Variants in PDGFD observed in about 807,000 individuals in gnomAD.
The protein encoded by PDGFD is platelet derived growth factor D.
A neutral mutation model predicts 44.7 loss-of-function variants in PDGFD; 30 were observed. The observed-to-expected ratio is 0.67, with a 90% confidence interval of 0.50 to 0.91. The LOEUF (loss-of-function observed/expected upper bound fraction) is 0.91. PDGFD is among the 40% of genes least tolerant of loss of function. PDGFD has a pLI of 0.00. For synonymous variants in PDGFD, 173 were observed against 168.4 expected, an observed-to-expected ratio of 1.03 and a Z score of -0.21; for missense variants, 445 against 457.8, an observed-to-expected ratio of 0.97 and a Z score of 0.25.
At chr11:103,939,538 A>G (rs1178086375) in intron 5 of PDGFD, among the ~76,000 whole-genome samples, 1 of 152,008 alleles carries the variant, frequency 6.6e-6, no homozygotes, top group Non-Finnish European at 1.5e-5. Flanking sequence ...CTAATTGAAT[A>G]CCCTTTATTT....
chr11:103,927,679 A>AT (rs1484912042), intron 5 of PDGFD, among the ~76,000 whole-genome samples: 2 of 152,166 alleles, frequency 1.3e-5, no homozygotes, highest in African/African-American at 2.4e-5. Flanking sequence ...AGAGAAAATG[A>AT]TTTTTTTGTG....
chr11:104,127,253 C>T (rs986396794), intron 1 of PDGFD, among the ~76,000 whole-genome samples: 3 of 152,108 alleles, frequency 2.0e-5, no homozygotes, highest in African/African-American at 7.2e-5. Context: ...TTTTGCTGCA[C>T]ATTGGAATTG....
chr11:104,030,348 A>G (rs1024093987), intron 1 of PDGFD, among the ~76,000 whole-genome samples: 2 of 152,340 alleles, frequency 1.3e-5, no homozygotes, highest in Middle Eastern at 3.4e-3. Flanking sequence ...AAATATCTTA[A>G]TAGGCTGGAG....
intron 1 of PDGFD, among the ~76,000 whole-genome samples, chr11:104,042,828 C>G (rs1489284014): frequency 6.6e-6 from 1 of 152,154 alleles, no homozygotes; most frequent in Non-Finnish European, 1.5e-5. Flanking sequence ...CAGGGCTTTA[C>G]TATAAAGATC....
At chr11:104,099,591 C>G (rs549553071) in intron 1 of PDGFD, among the ~76,000 whole-genome samples, 1 of 150,972 alleles carries the variant, frequency 6.6e-6, no homozygotes, top group African/African-American at 2.4e-5. Flanking sequence ...CAGATTGCAC[C>G]ACTACACTGC....
chr11:103,957,125 T>C (rs1441317946), intron 3 of PDGFD, among the ~76,000 whole-genome samples: 2 of 152,148 alleles, frequency 1.3e-5, no homozygotes, highest in Non-Finnish European at 2.9e-5. Context: ...AGACATGAAG[T>C]CCTTGCCCAT....
At chr11:104,091,651 G>A (rs891091304) in intron 1 of PDGFD, among the ~76,000 whole-genome samples, 7 of 152,144 alleles carry the variant, frequency 4.6e-5, no homozygotes, top group African/African-American at 1.7e-4. Context: ...AGGCCTAAGC[G>A]AAGACTTACT....
intron 3 of PDGFD, among the ~76,000 whole-genome samples, chr11:103,969,474 GTTTTTT>G (rs66571550): frequency 3.3e-5 from 3 of 89,800 alleles, no homozygotes; most frequent in East Asian, 4.0e-4. Context: ...ACCAAGCCTG[GTTTTTT>G]TTTTTTTTTT....
chr11:103,931,760 A>G (rs1858402855), intron 5 of PDGFD, among the ~76,000 whole-genome samples: 1 of 151,848 alleles, frequency 6.6e-6, no homozygotes, highest in Non-Finnish European at 1.5e-5. Context: ...TAATTTTTGT[A>G]TTTTCATTAG....
chr11:103,983,980 G>A (rs1859313114), intron 3 of PDGFD, among the ~76,000 whole-genome samples: 2 of 151,648 alleles, frequency 1.3e-5, no homozygotes, highest in African/African-American at 4.9e-5. Flanking sequence ...TTCAGCCATG[G>A]CAGAAGACAG....
chr11:104,043,737 T>C (rs962300050), intron 1 of PDGFD, among the ~76,000 whole-genome samples: 2 of 152,094 alleles, frequency 1.3e-5, no homozygotes, highest in African/African-American at 2.4e-5. Flanking sequence ...AGACATGTCA[T>C]ATGGTGAGAG....
At chr11:104,143,863 C>T (rs945950822) in intron 1 of PDGFD, among the ~76,000 whole-genome samples, 5 of 152,176 alleles carry the variant, frequency 3.3e-5, no homozygotes, top group Middle Eastern at 3.2e-3. Context: ...ACTTTTCAAA[C>T]GCAGTTAAGA....
intron 1 of PDGFD, among the ~76,000 whole-genome samples, chr11:104,039,973 A>T (rs1860321848): frequency 6.6e-6 from 1 of 152,144 alleles, no homozygotes; most frequent in South Asian, 2.1e-4. Context: ...ACCTTCTCAG[A>T]GGAACACCCC....
At chr11:104,087,163 G>T (rs2134434108) in intron 1 of PDGFD, among the ~76,000 whole-genome samples, 2 of 149,064 alleles carry the variant, frequency 1.3e-5, no homozygotes, top group South Asian at 4.3e-4. Flanking sequence ...CGAGTAGCTA[G>T]GACTACAGGT....
intron 6 of PDGFD, among the ~76,000 whole-genome samples, chr11:103,910,480 C>T (rs1052568447): frequency 7.2e-5 from 11 of 152,130 alleles, no homozygotes; most frequent in East Asian, 1.9e-4. Context: ...TCCCCTCAGC[C>T]GCGAAGTGCA....
chr11:103,927,170 G>A (rs773859429), intron 5 of PDGFD, 44 bp from the exon 6 acceptor site: 2 of 1,530,024 alleles, frequency 1.3e-6, no homozygotes, highest in East Asian at 2.2e-5. Flanking sequence ...ACAACAGTAA[G>A]CACAATTGCT....
chr11:104,135,070 C>T (rs182843453), intron 1 of PDGFD, among the ~76,000 whole-genome samples: 45 of 152,304 alleles, frequency 3.0e-4, no homozygotes, highest in Non-Finnish European at 6.2e-4. Flanking sequence ...TGAGAATAAC[C>T]ATGGGTGGAA....
intron 1 of PDGFD, among the ~76,000 whole-genome samples, chr11:104,069,318 T>C (rs192416514): frequency 6.6e-6 from 1 of 152,324 alleles, no homozygotes; most frequent in Non-Finnish European, 1.5e-5. Context: ...TGTGTGCTTT[T>C]TAACACATTA....
At chr11:104,138,923 A>G (rs528337557) in intron 1 of PDGFD, among the ~76,000 whole-genome samples, 2 of 152,146 alleles carry the variant, frequency 1.3e-5, no homozygotes, top group South Asian at 4.1e-4. Flanking sequence ...CACCACGTCC[A>G]GCTAATTTTT....
Sources: allele counts gnomAD v4.1 joint callset (sites outside exome capture counted in the v4.1 genomes callset), GRCh38; gene constraint gnomAD v4.1.1; transcripts MANE v1.5; gene names NCBI Gene and HGNC (gene_info 2026-07-23, HGNC 2026-07-21).